The following AMPH variants were observed in gnomAD, a reference collection of about 807,000 sequenced individuals.
AMPH encodes the protein amphiphysin (Stiff-Mann syndrome with breast cancer 128kD autoantigen).
Under a neutral mutation model 99.1 loss-of-function variants are expected in AMPH, and 49 were observed. The ratio of observed to expected loss-of-function variants is 0.49; its 90% CI spans 0.39 to 0.63. The LOEUF (loss-of-function observed/expected upper bound fraction) is 0.63. Among genes scored for constraint, AMPH ranks in the 20% least tolerant of loss-of-function variants. The pLI, the probability that AMPH is intolerant of heterozygous loss-of-function variation, is 0.00. For synonymous variants in AMPH, 314 were observed against 317.3 expected, an observed-to-expected ratio of 0.99 and a Z score of 0.11; for missense variants, 759 against 863.4, an observed-to-expected ratio of 0.88 and a Z score of 1.52.
At chr7:38,616,315 T>C (rs1293142684) in intron 1 of AMPH, among the ~76,000 whole-genome samples, 4 of 151,656 alleles carry the variant, frequency 2.6e-5, no homozygotes. Flanking sequence ...GATGCAGGAG[T>C]GAAAAAAATA....
chr7:38,441,859 T>TCATATATATCATATATCATATATA (rs1786563549), intron 11 of AMPH, among the ~76,000 whole-genome samples: 1 of 127,694 alleles, frequency 7.8e-6, no homozygotes. Flanking sequence ...ATCATATATA[T>TCATATATATCATATATCATATATA]CATATATATC....
chr7:38,546,579 A>T (rs1791004080), intron 1 of AMPH, among the ~76,000 whole-genome samples: 1 of 152,178 alleles, frequency 6.6e-6, no homozygotes, highest in Non-Finnish European at 1.5e-5. Flanking sequence ...ACTTCAAAGA[A>T]ATATTGTGTT....
intron 18 of AMPH, 62 bp from the exon 19 acceptor site, chr7:38,392,079 T>C: frequency 6.5e-7 from 1 of 1,546,080 alleles, no homozygotes; most frequent in Non-Finnish European, 8.7e-7. Flanking sequence ...CTCCTTGTCC[T>C]GCACAACCTG....
intron 17 of AMPH, among the ~76,000 whole-genome samples, chr7:38,414,272 A>C (rs1315381869): frequency 6.6e-6 from 1 of 152,228 alleles, no homozygotes; most frequent in Non-Finnish European, 1.5e-5. Context: ...AGCAAAAACC[A>C]AAGTTGTCCC....
At chr7:38,523,260 A>G (rs2129035401) in intron 2 of AMPH, among the ~76,000 whole-genome samples, 1 of 152,302 alleles carries the variant, frequency 6.6e-6, no homozygotes, top group East Asian at 1.9e-4. Flanking sequence ...GTGTATACAC[A>G]CATATATATC....
At chr7:38,411,663 G>C (rs1280776057) in intron 17 of AMPH, among the ~76,000 whole-genome samples, 1 of 152,116 alleles carries the variant, frequency 6.6e-6, no homozygotes, top group Non-Finnish European at 1.5e-5. Flanking sequence ...CCAGTAAGTA[G>C]AACACATCTG....
intron 2 of AMPH, among the ~76,000 whole-genome samples, chr7:38,509,143 C>T (rs1447994843): frequency 3.3e-5 from 5 of 152,208 alleles, no homozygotes; most frequent in Non-Finnish European, 7.3e-5. Flanking sequence ...GAACCCAGCA[C>T]TGACTTCATA....
At chr7:38,417,737 G>A (rs1785432265) in intron 17 of AMPH, 88 bp downstream of exon 17, 13 of 1,526,378 alleles carry the variant, frequency 8.5e-6, no homozygotes, top group African/African-American at 1.4e-5. Context: ...CCCAAGTGAG[G>A]CAAAGATGAG....
chr7:38,431,495 A>C (rs1014685752), intron 13 of AMPH, among the ~76,000 whole-genome samples: 6 of 152,116 alleles, frequency 3.9e-5, no homozygotes, highest in South Asian at 2.1e-4. Context: ...ATCTCTACTA[A>C]AAATACAAAA....
intron 1 of AMPH, among the ~76,000 whole-genome samples, chr7:38,537,844 A>T (rs1255070174): frequency 6.6e-6 from 1 of 152,232 alleles, no homozygotes; most frequent in East Asian, 1.9e-4. Flanking sequence ...AGCCAAAAAA[A>T]GGAGCTCTCA....
rs33974810 is a variant in AMPH, at chr7:38,526,433, C to CTTTTTTT, written c.150+8491_150+8497dup. The stretch of plus-strand genomic sequence containing the variant: ...TGCAAGCACCCACTACCATGCCCGG[C>CTTTTTTT]TTTTTTTTTTTTTTTTTTTTTCAGT... On this transcript the variant is annotated intron_variant, in intron 2 of 20. Transcript: ENST00000356264. 9.5e-4 allele frequency among the ~76,000 whole-genome samples: 69 copies of CTTTTTTT among 72,574 alleles called. 7 individuals carry two copies. The highest frequency in any genetic ancestry group is 8.9e-3 in the South Asian group (12 of 1,342). 47.6% of individuals were successfully genotyped at this position (72,574 alleles called of 152,430 possible).
Position 38,391,947 on chromosome 7 carries a change from G to C in AMPH, c.1679C>G (p.Thr560Ser), listed in dbSNP as rs777086329. The C allele has an allele frequency of 1.9e-6, 3 of 1,612,220 alleles. No individual in the cohort carries two copies. In the East Asian group the frequency reaches 6.7e-5, roughly 36 times the overall value. Residue 560 changes from threonine to serine, a missense_variant, in exon 19 of 21, where the codon ACT becomes AGT. Thr to Ser is a moderately conservative substitution (Grantham distance 58). Transcript: ENST00000356264. The stretch of plus-strand genomic sequence containing the variant: ...GGTCTCCTTGGGCTCTGCACCTATA[G>C]TTATTTCGTTTTCTCCTTCCTCTTC... ...NHEEEGENEI[T>S]IGAEPKETTE...
At chr7:38,598,225 A>G (rs555242532) in intron 1 of AMPH, among the ~76,000 whole-genome samples, 23 of 152,286 alleles carry the variant, frequency 1.5e-4, no homozygotes, top group African/African-American at 5.3e-4. Context: ...AGTCTGTTTA[A>G]GTCATTACTT....
At chr7:38,428,115 T>G in intron 14 of AMPH, 1 of 456,788 alleles carries the variant, frequency 2.2e-6, no homozygotes, top group Non-Finnish European at 4.4e-6. Context: ...CCAGCTATTA[T>G]CTAAGCCTTC....
At chr7:38,456,500 C>T (rs980987558) in intron 11 of AMPH, among the ~76,000 whole-genome samples, 1 of 152,182 alleles carries the variant, frequency 6.6e-6, no homozygotes, top group African/African-American at 2.4e-5. Context: ...CTGTTGGCAC[C>T]TGAATATTCC....
intron 1 of AMPH, among the ~76,000 whole-genome samples, chr7:38,581,010 T>C (rs115041764): frequency 0.017 from 2,565 of 152,242 alleles, 62 homozygotes; most frequent in African/African-American, 0.051. Flanking sequence ...CATGAAGACA[T>C]AAAATGGTCT....
intron 2 of AMPH, among the ~76,000 whole-genome samples, chr7:38,506,153 G>A (rs1789316319): frequency 6.6e-6 from 1 of 152,154 alleles, no homozygotes; most frequent in South Asian, 2.1e-4. Context: ...ATTTTCATGA[G>A]TGAGAAACTA....
At chr7:38,448,388 C>T (rs1321351173) in intron 11 of AMPH, among the ~76,000 whole-genome samples, 3 of 152,158 alleles carry the variant, frequency 2.0e-5, no homozygotes, top group African/African-American at 7.2e-5. Flanking sequence ...CCAGGGGATG[C>T]CTGAAACCAC....
chr7:38,405,255 C>T (rs1290699487), intron 17 of AMPH, among the ~76,000 whole-genome samples: 1 of 152,164 alleles, frequency 6.6e-6, no homozygotes, highest in Non-Finnish European at 1.5e-5. Context: ...CATAAAAGCA[C>T]ACATAAGTAC....
Sources: gnomAD v4.1 joint callset for allele counts (sites outside exome capture counted in the v4.1 genomes callset) on GRCh38, gnomAD v4.1.1 for gene constraint, MANE v1.5 for transcripts, NCBI Gene and HGNC (gene_info 2026-07-23, HGNC 2026-07-21) for gene names.